Variants in GPC5 observed in about 807,000 individuals in gnomAD.
GPC5 encodes the protein glypican-5.
GPC5 carries 47 observed loss-of-function variants against 53.9 expected under a neutral mutation model. The ratio of observed to expected loss-of-function variants is 0.87; its 90% CI spans 0.69 to 1.11. GPC5 has a LOEUF of 1.11. Among genes scored for constraint, GPC5 ranks in the 50% most tolerant of loss-of-function variants. The pLI, the probability that GPC5 is intolerant of heterozygous loss-of-function variation, is 0.00. For missense variants in GPC5, 748 were observed against 713.1 expected (o/e 1.05, Z -0.56); for synonymous variants, 286 against 263.3 (o/e 1.09, Z -0.84).
intron 6 of GPC5, among the ~76,000 whole-genome samples, chr13:91,921,381 CA>C (rs1340467915): frequency 4.6e-5 from 7 of 150,996 alleles, no homozygotes; most frequent in East Asian, 3.9e-4. Flanking sequence ...TTTTCTAAGT[CA>C]AAAAAAATTA....
intron 7 of GPC5, among the ~76,000 whole-genome samples, chr13:92,667,576 G>T (rs553298524): frequency 1.3e-5 from 2 of 152,132 alleles, no homozygotes; most frequent in African/African-American, 4.8e-5. Context: ...GGATCTTAGT[G>T]AAGGGCATAT....
At chr13:91,560,337 C>G (rs1299049737) in intron 2 of GPC5, among the ~76,000 whole-genome samples, 2 of 152,068 alleles carry the variant, frequency 1.3e-5, no homozygotes, top group Non-Finnish European at 2.9e-5. Context: ...AATGATGGGT[C>G]TGGATCTCAG....
At chr13:92,288,605 T>C (rs1272720140) in intron 7 of GPC5, among the ~76,000 whole-genome samples, 1 of 152,146 alleles carries the variant, frequency 6.6e-6, no homozygotes, top group East Asian at 1.9e-4. Context: ...ACAATACCAG[T>C]GTTTGACTTT....
chr13:91,590,249 A>C (rs1430422760), intron 2 of GPC5, among the ~76,000 whole-genome samples: 3 of 151,894 alleles, frequency 2.0e-5, no homozygotes, highest in African/African-American at 7.2e-5. Context: ...TAATATTTCT[A>C]ATATATTTAA....
chr13:92,459,728 T>C lies in GPC5; in HGVS notation c.1561+314739T>C, dbSNP rs1594219241. On this transcript the variant is annotated intron_variant, in intron 7 of 7. Coordinates refer to ENST00000377067, the MANE Select transcript of GPC5 (RefSeq NM_004466.6). The stretch of plus-strand genomic sequence containing the variant: ...GTTTTGTTAGTCCTGATGAAATGCA[T>C]ACATCTTATCTCATTACTTTTGATA... Among the ~76,000 whole-genome samples, 4 of 152,220 alleles carry C rather than the reference T, an allele frequency of 2.6e-5. 1 individual carries two copies. The South Asian group carries it at 8.3e-4, about 31-fold the overall frequency.
chr13:92,046,346 A>T (rs1303464099), intron 6 of GPC5, among the ~76,000 whole-genome samples: 1 of 152,194 alleles, frequency 6.6e-6, no homozygotes, highest in African/African-American at 2.4e-5. Flanking sequence ...TCTTGTTTTT[A>T]TATTCTCCAA....
chr13:92,087,059 G>C (rs2041341638), intron 6 of GPC5, among the ~76,000 whole-genome samples: 1 of 152,208 alleles, frequency 6.6e-6, no homozygotes, highest in South Asian at 2.1e-4. Context: ...ATTATGTTTA[G>C]ATAAATGCAA....
At chr13:91,786,020 C>G (rs1178718561) in intron 5 of GPC5, among the ~76,000 whole-genome samples, 5 of 151,844 alleles carry the variant, frequency 3.3e-5, no homozygotes, top group African/African-American at 1.2e-4. Flanking sequence ...TTTTTGAGAC[C>G]AAGTCTCGCT....
At chr13:92,031,776 TATAATATATTAC>T (rs1267479643) in intron 6 of GPC5, among the ~76,000 whole-genome samples, 1 of 106,504 alleles carries the variant, frequency 9.4e-6, no homozygotes, top group Non-Finnish European at 1.7e-5. Context: ...ATATATAATA[TATAATATATTAC>T]ATATTATATA....
chr13:92,849,025 C>T (rs889830485), intron 7 of GPC5, among the ~76,000 whole-genome samples: 3 of 152,148 alleles, frequency 2.0e-5, no homozygotes, highest in African/African-American at 7.2e-5. Flanking sequence ...GTTCTCTCCT[C>T]ACACACGCAT....
rs9589461 is a variant in GPC5 at position 92,247,825 on chromosome 13, T to C, written c.1561+102836T>C. Among the ~76,000 whole-genome samples the C allele has an allele frequency of 6.8e-3, 1,041 of 152,234 alleles. 13 individuals carry two copies. The highest frequency in any genetic ancestry group is 0.024 in the African/African-American group (983 of 41,560). On this transcript the variant is annotated intron_variant, in intron 7 of 7. Coordinates refer to ENST00000377067, the MANE Select transcript of GPC5 (RefSeq NM_004466.6). ...CATTTCCTGTCTATAAACAGCCTGG[T>C]TTCTCACCAAATAATAACAATATGG...
intron 4 of GPC5, among the ~76,000 whole-genome samples, chr13:91,737,728 T>A (rs941629227): frequency 6.6e-6 from 1 of 151,450 alleles, no homozygotes; most frequent in Admixed American, 6.6e-5. Context: ...TTAGAAAAAC[T>A]ATTTCAGGTC....
At chr13:92,214,688 T>C (rs74107111) in intron 7 of GPC5, among the ~76,000 whole-genome samples, 2,811 of 152,224 alleles carry the variant, frequency 0.018, 79 homozygotes, top group African/African-American at 0.064. Flanking sequence ...GAATAATGAC[T>C]CCCTTAATCC....
At chr13:91,592,546 A>G (rs1275905093) in intron 2 of GPC5, among the ~76,000 whole-genome samples, 1 of 152,138 alleles carries the variant, frequency 6.6e-6, no homozygotes, top group East Asian at 1.9e-4. Flanking sequence ...TACAGCCCAC[A>G]AACTTGCGCA....
At chr13:92,742,176 G>T (rs1378373590) in intron 7 of GPC5, among the ~76,000 whole-genome samples, 1 of 150,996 alleles carries the variant, frequency 6.6e-6, no homozygotes, top group Non-Finnish European at 1.5e-5. Context: ...TTCCACAATG[G>T]TTGAACTAGT....
chr13:92,331,345 T>C (rs532777646), intron 7 of GPC5, among the ~76,000 whole-genome samples: 1 of 152,328 alleles, frequency 6.6e-6, no homozygotes, highest in African/African-American at 2.4e-5. Context: ...AGGTTTAAGC[T>C]ATTTCCTCTC....
Position 92,623,293 on chromosome 13 carries a change from T to C in GPC5, c.1562-242989T>C, listed in dbSNP as rs532554143. ...TGAAGTGGTTGCACGGCTCATCTGC[T>C]CCATGTGAGAAGGGATTGCAATGAA... On this transcript the variant is annotated intron_variant, in intron 7 of 7. Coordinates refer to ENST00000377067, the MANE Select transcript of GPC5 (RefSeq NM_004466.6). Among the ~76,000 whole-genome samples, 11 of 152,284 alleles carry C rather than the reference T, an allele frequency of 7.2e-5. No homozygotes were observed. The South Asian group carries it at 2.3e-3, about 32-fold the overall frequency.
At chr13:91,405,213 G>C (rs964460734) in intron 1 of GPC5, among the ~76,000 whole-genome samples, 1 of 152,158 alleles carries the variant, frequency 6.6e-6, no homozygotes. Flanking sequence ...TTCAGCCTGA[G>C]TGCCATTGAC....
intron 6 of GPC5, among the ~76,000 whole-genome samples, chr13:91,999,677 C>T (rs191316462): frequency 3.9e-5 from 6 of 152,232 alleles, no homozygotes; most frequent in Admixed American, 2.0e-4. Context: ...CCACCTTATT[C>T]GAGTAATAAT....
Sources: allele counts gnomAD v4.1 joint callset (sites outside exome capture counted in the v4.1 genomes callset), GRCh38; gene constraint gnomAD v4.1.1; transcripts MANE v1.5; gene names NCBI Gene and HGNC (gene_info 2026-07-23, HGNC 2026-07-21).